Variants in NRXN3 observed in about 807,000 individuals in gnomAD.
NRXN3 encodes the protein neurexin 3, also known as neurexin III.
NRXN3 carries 32 observed loss-of-function variants against 137.6 expected under a neutral mutation model. The observed-to-expected ratio is 0.23, with a 90% confidence interval of 0.18 to 0.31. The LOEUF (loss-of-function observed/expected upper bound fraction) is 0.31. Ranked by LOEUF, NRXN3 falls within the 10% of genes least tolerant of loss-of-function variation. The probability of loss-of-function intolerance (pLI) is 1.00; values close to 1 mark genes in which losing one functional copy is unlikely to be tolerated. For missense variants in NRXN3, 1,574 were observed against 2,062.5 expected, an observed-to-expected ratio of 0.76 and a Z score of 4.59; for synonymous variants, 798 against 784.5, an observed-to-expected ratio of 1.02 and a Z score of -0.29.
intron 8 of NRXN3, among the ~76,000 whole-genome samples, chr14:78,722,598 T>C (rs1264306942): frequency 6.6e-6 from 1 of 152,196 alleles, no homozygotes; most frequent in Non-Finnish European, 1.5e-5. Flanking sequence ...AAAAATGATG[T>C]GCCTTCTCTA....
intron 6 of NRXN3, among the ~76,000 whole-genome samples, chr14:78,700,343 C>A (rs1594881717): frequency 6.6e-6 from 1 of 152,166 alleles, no homozygotes; most frequent in Non-Finnish European, 1.5e-5. Context: ...AGTTAACCTC[C>A]TGGAGCACTA....
chr14:78,200,912 C>T (rs7140847), intron 1 of NRXN3, among the ~76,000 whole-genome samples: 78,249 of 151,790 alleles, frequency 0.52, 20,517 homozygotes, highest in Middle Eastern at 0.63. Flanking sequence ...TAGGTTCTGG[C>T]CCTACTGTGT....
intron 10 of NRXN3, among the ~76,000 whole-genome samples, chr14:78,952,774 C>G (rs1185012673): frequency 6.6e-6 from 1 of 152,164 alleles, no homozygotes; most frequent in Non-Finnish European, 1.5e-5. Flanking sequence ...AATCAAGTTA[C>G]TGTTTCATTT....
chr14:78,595,756 C>T (rs960685679), intron 4 of NRXN3, among the ~76,000 whole-genome samples: 51 of 152,008 alleles, frequency 3.4e-4, no homozygotes, highest in African/African-American at 4.4e-4. Flanking sequence ...TTTGGGGAGA[C>T]GTAGAATTGA....
intron 15 of NRXN3, among the ~76,000 whole-genome samples, chr14:79,098,395 T>C (rs1030177406): frequency 6.6e-6 from 1 of 152,216 alleles, no homozygotes; most frequent in Non-Finnish European, 1.5e-5. Flanking sequence ...TCTTCTCTAA[T>C]TAGCAGATAC....
At chr14:78,357,229 A>G (rs1478651647) in intron 4 of NRXN3, among the ~76,000 whole-genome samples, 2 of 152,228 alleles carry the variant, frequency 1.3e-5, no homozygotes, top group African/African-American at 4.8e-5. Context: ...AGCAAGTCAC[A>G]TCTTATGTGG....
At chr14:78,754,159 A>C (rs1017390401) in intron 8 of NRXN3, among the ~76,000 whole-genome samples, 3 of 152,108 alleles carry the variant, frequency 2.0e-5, no homozygotes, top group African/African-American at 7.2e-5. Flanking sequence ...GTTAAGCTCG[A>C]GTTTTGCTTT....
intron 15 of NRXN3, among the ~76,000 whole-genome samples, chr14:79,345,500 A>G (rs780673719): frequency 4.6e-5 from 7 of 152,160 alleles, no homozygotes; most frequent in Non-Finnish European, 1.0e-4. Context: ...TTAGATTCAC[A>G]ATGCCATGTC....
intron 4 of NRXN3, among the ~76,000 whole-genome samples, chr14:78,483,600 G>T (rs1383162234): frequency 6.6e-6 from 1 of 152,220 alleles, no homozygotes; most frequent in African/African-American, 2.4e-5. Context: ...CAAAGGAGGA[G>T]TCTGATCTAT....
chr14:79,402,279 A>G (rs2095222012), intron 15 of NRXN3, among the ~76,000 whole-genome samples: 1 of 152,018 alleles, frequency 6.6e-6, no homozygotes, highest in Admixed American at 6.6e-5. Flanking sequence ...CATTCACTTA[A>G]CAGTTTAGAA....
chr14:78,521,166 C>T (rs2096278557), intron 4 of NRXN3, among the ~76,000 whole-genome samples: 1 of 152,192 alleles, frequency 6.6e-6, no homozygotes, highest in Non-Finnish European at 1.5e-5. Context: ...CTGTCTCTCT[C>T]TCTTCCTCTA....
chr14:78,384,226 T>G (rs2089598130), intron 4 of NRXN3, among the ~76,000 whole-genome samples: 1 of 152,100 alleles, frequency 6.6e-6, no homozygotes, highest in Non-Finnish European at 1.5e-5. Context: ...TTTCTCTAGA[T>G]TTAGAATTAG....
rs75156858 is a variant in NRXN3, at chr14:79,214,417, A to G, written c.3262+226276A>G. On this transcript the variant is annotated intron_variant, in intron 15 of 20. Transcript: ENST00000335750. The stretch of plus-strand genomic sequence containing the variant: ...AAGAAATATGCTGCAAGCCAGGATG[A>G]TTATAGTTAACAGTAATGTATTATG... Among the ~76,000 whole-genome samples, 1,418 of 152,296 alleles carry G rather than the reference A, an allele frequency of 9.3e-3. 50 individuals carry two copies. The East Asian group carries it at 0.099, about 11-fold the overall frequency.
intron 8 of NRXN3, among the ~76,000 whole-genome samples, chr14:78,759,925 T>C (rs1273908743): frequency 6.6e-6 from 1 of 152,058 alleles, no homozygotes; most frequent in African/African-American, 2.4e-5. Context: ...TGATATGTCC[T>C]ATTAGTATGC....
intron 4 of NRXN3, among the ~76,000 whole-genome samples, chr14:78,320,497 G>C (rs937230471): frequency 6.6e-6 from 1 of 152,110 alleles, no homozygotes; most frequent in Admixed American, 6.5e-5. Context: ...AAATTGACTT[G>C]AGAATACTCC....
intron 15 of NRXN3, among the ~76,000 whole-genome samples, chr14:79,423,351 C>T (rs1212644083): frequency 6.6e-6 from 1 of 152,144 alleles, no homozygotes; most frequent in Non-Finnish European, 1.5e-5. Context: ...TTTGGTTTTC[C>T]TTTCCAAGCT....
intron 4 of NRXN3, among the ~76,000 whole-genome samples, chr14:78,456,554 T>A (rs938014369): frequency 9.2e-5 from 14 of 152,234 alleles, no homozygotes; most frequent in African/African-American, 3.1e-4. Flanking sequence ...TGTTGCCTTC[T>A]TTGCGTGTAC....
At chr14:79,858,605 G>T (rs1258751033) in intron 20 of NRXN3, among the ~76,000 whole-genome samples, 3 of 151,834 alleles carry the variant, frequency 2.0e-5, no homozygotes, top group Non-Finnish European at 4.4e-5. Flanking sequence ...TGCCAGAAAA[G>T]AACACACATG....
chr14:79,344,920 T>C (rs1381501837), intron 15 of NRXN3, among the ~76,000 whole-genome samples: 4 of 152,190 alleles, frequency 2.6e-5, no homozygotes, highest in African/African-American at 7.2e-5. Flanking sequence ...GGAAATATCA[T>C]GGACTCTTTA....
Sources: gnomAD v4.1 joint callset for allele counts (sites outside exome capture counted in the v4.1 genomes callset) on GRCh38, gnomAD v4.1.1 for gene constraint, MANE v1.5 for transcripts, NCBI Gene and HGNC (gene_info 2026-07-23, HGNC 2026-07-21) for gene names.